Variants in CNTNAP2 observed in about 807,000 individuals in gnomAD.
The protein encoded by CNTNAP2 is contactin-associated protein-like 2.
Under a neutral mutation model 155.2 loss-of-function variants are expected in CNTNAP2, and 98 were observed. The ratio of observed to expected loss-of-function variants is 0.63; its 90% CI spans 0.54 to 0.75. The LOEUF (loss-of-function observed/expected upper bound fraction) is 0.75, where lower values mean the gene tolerates loss of function less well. Ranked by LOEUF, CNTNAP2 falls within the 30% of genes least tolerant of loss-of-function variation. The pLI is 0.00. For missense variants in CNTNAP2, 1,727 were observed against 1,688.1 expected, an observed-to-expected ratio of 1.02 and a Z score of -0.40; for synonymous variants, 651 against 631.2, an observed-to-expected ratio of 1.03 and a Z score of -0.47.
intron 1 of CNTNAP2, among the ~76,000 whole-genome samples, chr7:146,480,188 A>G (rs1563100256): frequency 1.3e-5 from 2 of 152,220 alleles, no homozygotes; most frequent in African/African-American, 4.8e-5. Flanking sequence ...AATCTACAAA[A>G]ATACTTTACA....
At chr7:146,882,506 C>A (rs1795572848) in intron 3 of CNTNAP2, among the ~76,000 whole-genome samples, 1 of 151,816 alleles carries the variant, frequency 6.6e-6, no homozygotes, top group Non-Finnish European at 1.5e-5. Context: ...AAAGGCCTTT[C>A]CCCCCTCTTC....
chr7:146,944,944 T>C (rs1358534951), intron 3 of CNTNAP2, among the ~76,000 whole-genome samples: 1 of 152,158 alleles, frequency 6.6e-6, no homozygotes, highest in Non-Finnish European at 1.5e-5. Flanking sequence ...GGTAGTTGTC[T>C]CAAGGTGGTG....
At chr7:147,002,972 AAGC>A (rs1358616760) in intron 3 of CNTNAP2, among the ~76,000 whole-genome samples, 24 of 150,492 alleles carry the variant, frequency 1.6e-4, no homozygotes, top group Non-Finnish European at 3.0e-4. Context: ...AAAAAAGAAG[AAGC>A]AGCAAACTGG....
At chr7:147,224,166 T>A (rs1037658167) in intron 8 of CNTNAP2, among the ~76,000 whole-genome samples, 5 of 152,132 alleles carry the variant, frequency 3.3e-5, no homozygotes, top group African/African-American at 9.7e-5. Flanking sequence ...ACTTCTGTTT[T>A]GGATCTAAGA....
At chr7:146,561,852 C>T (rs1337442389) in intron 1 of CNTNAP2, among the ~76,000 whole-genome samples, 5 of 152,114 alleles carry the variant, frequency 3.3e-5, no homozygotes, top group African/African-American at 1.2e-4. Flanking sequence ...TACAGTGATG[C>T]AATCATGGCT....
chr7:146,301,333 C>A (rs771917891), intron 1 of CNTNAP2, among the ~76,000 whole-genome samples: 19 of 151,980 alleles, frequency 1.3e-4, no homozygotes, highest in Non-Finnish European at 4.4e-5. Context: ...TTTAAGAAGA[C>A]ATACATGGTG....
At chr7:147,899,086 T>C (rs1158776149) in intron 13 of CNTNAP2, among the ~76,000 whole-genome samples, 1 of 136,962 alleles carries the variant, frequency 7.3e-6, no homozygotes, top group African/African-American at 2.6e-5. Flanking sequence ...AGGCCTTTCA[T>C]CCCAGCACTT....
intron 11 of CNTNAP2, among the ~76,000 whole-genome samples, chr7:147,536,692 A>G (rs1329125919): frequency 6.6e-6 from 1 of 152,226 alleles, no homozygotes; most frequent in Admixed American, 6.5e-5. Context: ...TGGTGAGAGC[A>G]GTGCTAACAC....
At chr7:148,410,510 T>A (rs926740725) in intron 23 of CNTNAP2, among the ~76,000 whole-genome samples, 1 of 138,802 alleles carries the variant, frequency 7.2e-6, no homozygotes. Flanking sequence ...GAGGTTGCAG[T>A]GAGCTGAGAT....
At chr7:148,092,882 A>T (rs938186391) in intron 15 of CNTNAP2, among the ~76,000 whole-genome samples, 4 of 125,888 alleles carry the variant, frequency 3.2e-5, no homozygotes, top group Non-Finnish European at 3.7e-5. Context: ...CTCAATTTAA[A>T]AAAAAAAAAA....
intron 3 of CNTNAP2, among the ~76,000 whole-genome samples, chr7:147,024,823 G>C (rs907522981): frequency 5.9e-5 from 9 of 152,218 alleles, no homozygotes; most frequent in South Asian, 2.1e-4. Flanking sequence ...TTCTGGAGAG[G>C]CTTCGGGAAA....
At chr7:147,128,310 C>T (rs1801280827) in intron 6 of CNTNAP2, among the ~76,000 whole-genome samples, 1 of 152,112 alleles carries the variant, frequency 6.6e-6, no homozygotes, top group African/African-American at 2.4e-5. Context: ...CTCATGCTTA[C>T]TGGAGGCATT....
chr7:148,419,544 C>T lies in CNTNAP2; in HGVS notation c.*3928C>T, dbSNP rs73473919. On this transcript the variant is annotated 3_prime_UTR_variant, in exon 24 of 24. Coordinates refer to ENST00000361727, the MANE Select transcript of CNTNAP2 (RefSeq NM_014141.6). ...CTCCTCCCACATTGAGGCGATTCTC[C>T]TGCCTCAGCCTCCCAAGTAGCTGGG... 15,982 of 152,072 alleles carry T rather than the reference C, an allele frequency of 0.11. 2,452 individuals are homozygous for T. Among genetic ancestry groups the T allele is most frequent in the African/African-American group, 0.34 (13,845 of 41,328 alleles). The allele number at this position is 152,072 out of a possible 1,614,324, so 9.4% of individuals were successfully genotyped here. A position where few individuals can be genotyped will look rare whatever the true frequency, so the allele number is the denominator to read the frequency against.
At chr7:147,322,561 C>T (rs1795372768) in intron 9 of CNTNAP2, among the ~76,000 whole-genome samples, 1 of 151,044 alleles carries the variant, frequency 6.6e-6, no homozygotes, top group Non-Finnish European at 1.5e-5. Flanking sequence ...CTCTGCCCGG[C>T]TTTGGTATCA....
chr7:146,357,922 C>T (rs867427928), intron 1 of CNTNAP2, among the ~76,000 whole-genome samples: 31 of 151,948 alleles, frequency 2.0e-4, no homozygotes, highest in African/African-American at 6.5e-4. Flanking sequence ...CCCCGCCCCC[C>T]GCCACACACA....
intron 17 of CNTNAP2, among the ~76,000 whole-genome samples, chr7:148,160,420 A>G (rs900715358): frequency 2.6e-5 from 4 of 152,046 alleles, no homozygotes; most frequent in African/African-American, 9.7e-5. Context: ...TAAAAAAAAA[A>G]AAAAGAAAAA....
chr7:147,456,410 A>G (rs768570940), intron 10 of CNTNAP2, among the ~76,000 whole-genome samples: 1 of 152,222 alleles, frequency 6.6e-6, no homozygotes, highest in Non-Finnish European at 1.5e-5. Context: ...TAACTTTAAC[A>G]TACAGAAATC....
chr7:146,133,771 A>G (rs370137560), intron 1 of CNTNAP2, among the ~76,000 whole-genome samples: 4 of 152,052 alleles, frequency 2.6e-5, no homozygotes, highest in Non-Finnish European at 4.4e-5. Flanking sequence ...CCATTGATCT[A>G]TATCTCTGTT....
chr7:148,393,967 G>T (rs1799410762), intron 22 of CNTNAP2, among the ~76,000 whole-genome samples: 1 of 151,064 alleles, frequency 6.6e-6, no homozygotes, highest in Admixed American at 6.6e-5. Flanking sequence ...AAGTAAATTA[G>T]TATTTTTAAT....
Sources: allele counts gnomAD v4.1 joint callset (sites outside exome capture counted in the v4.1 genomes callset), GRCh38; gene constraint gnomAD v4.1.1; transcripts MANE v1.5; gene names NCBI Gene and HGNC (gene_info 2026-07-23, HGNC 2026-07-21).